Variants in PATJ observed in about 807,000 individuals in gnomAD.
The protein encoded by PATJ is inaD-like protein.
PATJ carries 190 observed loss-of-function variants against 224.9 expected under a neutral mutation model. The ratio of observed to expected loss-of-function variants is 0.84; its 90% CI spans 0.75 to 0.95. PATJ has a LOEUF of 0.95. Ranked by LOEUF, PATJ falls within the 40% of genes least tolerant of loss-of-function variation. The pLI is 0.00. For missense variants in PATJ, 2,121 were observed against 2,270.3 expected (o/e 0.93, Z 1.34); for synonymous variants, 769 against 820.3 (o/e 0.94, Z 1.07).
intron 27 of PATJ, among the ~76,000 whole-genome samples, chr1:61,979,630 C>T (rs1009686607): frequency 1.4e-5 from 2 of 140,654 alleles, no homozygotes; most frequent in East Asian, 4.1e-4. Flanking sequence ...TCCAGCCTGG[C>T]GACAGAGGGA....
chr1:61,786,790 G>A (rs138690441), intron 7 of PATJ, among the ~76,000 whole-genome samples: 224 of 152,182 alleles, frequency 1.5e-3, no homozygotes, highest in African/African-American at 5.1e-3. Context: ...AGGAGTTTGA[G>A]ATCAGCCTGA....
At chr1:61,874,997 A>G (rs1376508757) in intron 20 of PATJ, among the ~76,000 whole-genome samples, 1 of 152,216 alleles carries the variant, frequency 6.6e-6, no homozygotes, top group African/African-American at 2.4e-5. Context: ...CCACTTATTA[A>G]TGCTTATAAA....
chr1:61,843,480 C>T (rs1661434564), intron 17 of PATJ, among the ~76,000 whole-genome samples: 1 of 152,142 alleles, frequency 6.6e-6, no homozygotes, highest in South Asian at 2.1e-4. Flanking sequence ...TGGCTCATGC[C>T]TGTAATCCCA....
chr1:61,812,877 G>A (rs1005585749), intron 14 of PATJ, among the ~76,000 whole-genome samples: 3 of 151,998 alleles, frequency 2.0e-5, no homozygotes, highest in Middle Eastern at 3.4e-3. Flanking sequence ...ACAGCCTCCC[G>A]GGTAATCCAC....
intron 31 of PATJ, among the ~76,000 whole-genome samples, chr1:62,066,575 A>G (rs1656472970): frequency 6.6e-6 from 1 of 152,018 alleles, no homozygotes. Flanking sequence ...ATGTGATTTC[A>G]CCTAATCCAG....
chr1:61,934,556 G>A (rs890929520), intron 27 of PATJ, among the ~76,000 whole-genome samples: 5 of 152,168 alleles, frequency 3.3e-5, no homozygotes, highest in Admixed American at 2.0e-4. Context: ...TTTGAAGAAG[G>A]TATTATACCT....
chr1:61,782,953 A>C (rs569693000), intron 7 of PATJ, among the ~76,000 whole-genome samples: 1 of 152,208 alleles, frequency 6.6e-6, no homozygotes, highest in Non-Finnish European at 1.5e-5. Context: ...GCCTATTTAA[A>C]GGTTGTCATA....
intron 34 of PATJ, among the ~76,000 whole-genome samples, chr1:62,111,296 A>G (rs966503909): frequency 5.3e-5 from 8 of 152,174 alleles, no homozygotes; most frequent in Admixed American, 2.0e-4. Flanking sequence ...CTCAGACCAC[A>G]TTTCCTGGAA....
chr1:61,808,682 A>C (rs1022853300), intron 14 of PATJ, 152 bp downstream of exon 14: 2 of 545,626 alleles, frequency 3.7e-6, no homozygotes, highest in Non-Finnish European at 6.5e-6. Flanking sequence ...GAGCCACTGA[A>C]CTCGGCCCAT....
chr1:62,044,701 GGGA>G (rs1380893358), intron 30 of PATJ, among the ~76,000 whole-genome samples: 2 of 152,196 alleles, frequency 1.3e-5, no homozygotes, highest in Admixed American at 1.3e-4. Context: ...TGATCATGCA[GGGA>G]GTTCCATTAG....
At chr1:62,107,025 C>T (rs7531424) in intron 33 of PATJ, among the ~76,000 whole-genome samples, 22,374 of 152,070 alleles carry the variant, frequency 0.15, 2,014 homozygotes, top group South Asian at 0.32. Flanking sequence ...GTGTCCCTCT[C>T]GGCTGGGTGC....
At chr1:61,751,602 G>A (rs1645333744) in intron 1 of PATJ, among the ~76,000 whole-genome samples, 1 of 151,988 alleles carries the variant, frequency 6.6e-6, no homozygotes, top group Admixed American at 6.6e-5. Flanking sequence ...AAGGCAGGCA[G>A]ATCATCTGAG....
Position 62,094,845 on chromosome 1 carries a change from T to C in PATJ, c.4377+10197T>C, listed in dbSNP as rs78685624. On this transcript the variant is annotated intron_variant, in intron 33 of 43. Coordinates refer to ENST00000642238, the MANE Select transcript of PATJ (RefSeq NM_001350145.3). ...TATATAGACTAGCTCTGTGTTTATT[T>C]TATAGCAGAGTTTTGTAAGGGTCAA... Among the ~76,000 whole-genome samples, 654 of 152,324 alleles carry C rather than the reference T, an allele frequency of 4.3e-3. 18 individuals carry two copies. In the East Asian group the frequency reaches 0.079, roughly 18 times the overall value.
intron 33 of PATJ, among the ~76,000 whole-genome samples, chr1:62,105,359 G>T (rs1044266726): frequency 6.6e-6 from 1 of 152,146 alleles, no homozygotes; most frequent in Non-Finnish European, 1.5e-5. Context: ...TGCATAGTCC[G>T]AGTGTAGTGT....
At chr1:61,865,797 T>C (rs1665330856) in intron 20 of PATJ, among the ~76,000 whole-genome samples, 1 of 152,104 alleles carries the variant, frequency 6.6e-6, no homozygotes, top group African/African-American at 2.4e-5. Context: ...CTCTCTGAGG[T>C]TGGCACCTTT....
intron 27 of PATJ, among the ~76,000 whole-genome samples, chr1:61,935,590 C>G (rs565128693): frequency 1.3e-5 from 2 of 152,042 alleles, no homozygotes; most frequent in African/African-American, 4.8e-5. Context: ...CCCAGGAATT[C>G]CAGACTGGCC....
In PATJ at chr1:61,788,662, GTTTGT is replaced by G. The variant is rs373735952; in HGVS notation, c.1068+714_1068+718del. On this transcript the variant is annotated intron_variant, in intron 8 of 43. Coordinates refer to ENST00000642238, the MANE Select transcript of PATJ (RefSeq NM_001350145.3). ...AAAGAAATAAGTTTTTTGTTTGTTT[GTTTGT>G]TTTGTTTTGTTTTGTTTTGTTTTTG... Among the ~76,000 whole-genome samples, 60 of 151,944 alleles carry G rather than the reference GTTTGT, an allele frequency of 3.9e-4. 1 individual carries two copies. The highest frequency in any genetic ancestry group is 3.4e-3 in the Middle Eastern group (1 of 294).
At chr1:61,988,750 A>G (rs969793238) in intron 27 of PATJ, among the ~76,000 whole-genome samples, 15 of 152,180 alleles carry the variant, frequency 9.9e-5, no homozygotes, top group Non-Finnish European at 1.8e-4. Context: ...ACAAGTTTAA[A>G]TTTACCTACT....
chr1:62,066,583 C>T (rs901563708), intron 31 of PATJ, among the ~76,000 whole-genome samples: 1 of 152,064 alleles, frequency 6.6e-6, no homozygotes, highest in Admixed American at 6.6e-5. Flanking sequence ...TCACCTAATC[C>T]AGGTGGTTAG....
Sources: gnomAD v4.1 joint callset for allele counts (sites outside exome capture counted in the v4.1 genomes callset) on GRCh38, gnomAD v4.1.1 for gene constraint, MANE v1.5 for transcripts, NCBI Gene and HGNC (gene_info 2026-07-23, HGNC 2026-07-21) for gene names.